KAZN: variants seen among roughly 807,000 people sequenced by gnomAD.
KAZN encodes the protein kazrin.
A neutral mutation model predicts 87.4 loss-of-function variants in KAZN; 40 were observed. That is an observed-to-expected ratio of 0.46 (90% CI 0.36 to 0.60). The LOEUF (loss-of-function observed/expected upper bound fraction) is 0.60, where lower values mean the gene tolerates loss of function less well. Ranked by LOEUF, KAZN falls within the 20% of genes least tolerant of loss-of-function variation. The pLI is 0.00. For synonymous variants in KAZN, 466 were observed against 458.3 expected, an observed-to-expected ratio of 1.02 and a Z score of -0.22; for missense variants, 898 against 1,073.9, an observed-to-expected ratio of 0.84 and a Z score of 2.29.
chr1:14,263,981 T>A (rs1009120759), intron 2 of KAZN, among the ~76,000 whole-genome samples: 1 of 152,228 alleles, frequency 6.6e-6, no homozygotes, highest in Non-Finnish European at 1.5e-5. Context: ...TAATTATTTT[T>A]AATATCTCCC....
chr1:14,139,694 C>T (rs1321679440), intron 1 of KAZN, among the ~76,000 whole-genome samples: 3 of 152,174 alleles, frequency 2.0e-5, no homozygotes, highest in African/African-American at 7.2e-5. Flanking sequence ...ACCCAGTGCC[C>T]AGCAGGGCAT....
upstream of KAZN, among the ~76,000 whole-genome samples, chr1:14,594,013 T>G (rs574174335): frequency 5.8e-4 from 89 of 152,148 alleles, no homozygotes; most frequent in Non-Finnish European, 1.0e-3. Context: ...AAATCTGGGG[T>G]CTCTCTTTCT....
chr1:14,311,558 A>G (rs1655302211), intron 2 of KAZN, among the ~76,000 whole-genome samples: 1 of 152,204 alleles, frequency 6.6e-6, no homozygotes, highest in African/African-American at 2.4e-5. Flanking sequence ...ATCAAGCCAC[A>G]GGAAGTGTGT....
chr1:14,490,992 G>A (rs1289384927), intron 2 of KAZN, among the ~76,000 whole-genome samples: 1 of 152,092 alleles, frequency 6.6e-6, no homozygotes, highest in Non-Finnish European at 1.5e-5. Flanking sequence ...TAAACTAATT[G>A]GAGAAGAATT....
chr1:14,782,580 A>G (rs1281443046), intron 1 of KAZN, among the ~76,000 whole-genome samples: 3 of 139,122 alleles, frequency 2.2e-5, no homozygotes, highest in Non-Finnish European at 4.8e-5. Flanking sequence ...AAAAAAAAAG[A>G]AAAGAAAAAG....
intron 1 of KAZN, among the ~76,000 whole-genome samples, chr1:14,100,160 T>C (rs973349802): frequency 4.6e-5 from 7 of 152,172 alleles, no homozygotes; most frequent in Non-Finnish European, 8.8e-5. Flanking sequence ...GCACTGTTGT[T>C]TATCGGTTCC....
At chr1:13,944,262 C>A (rs1195347258) in intron 1 of KAZN, among the ~76,000 whole-genome samples, 2 of 152,196 alleles carry the variant, frequency 1.3e-5, no homozygotes, top group Non-Finnish European at 2.9e-5. Context: ...GTGAAAGAAG[C>A]CAGACACAAG....
chr1:14,611,930 T>C (rs1444713119), intron 1 of KAZN, among the ~76,000 whole-genome samples: 2 of 152,208 alleles, frequency 1.3e-5, no homozygotes, highest in South Asian at 2.1e-4. Context: ...TCTGCTGTTA[T>C]AATGCAAAAG....
At chr1:14,618,873 C>G (rs927009699) in intron 1 of KAZN, among the ~76,000 whole-genome samples, 1 of 152,202 alleles carries the variant, frequency 6.6e-6, no homozygotes, top group Non-Finnish European at 1.5e-5. Context: ...GGTTCCCTGA[C>G]AGTTTCCAAA....
At chr1:14,414,310 CAA>C (rs1664561484) in intron 2 of KAZN, among the ~76,000 whole-genome samples, 2 of 121,138 alleles carry the variant, frequency 1.7e-5, no homozygotes, top group Non-Finnish European at 3.4e-5. Context: ...CTGGTAAAGC[CAA>C]AGAGTATTTA....
intron 2 of KAZN, among the ~76,000 whole-genome samples, chr1:14,495,325 A>G (rs765263805): frequency 6.6e-6 from 1 of 152,132 alleles, no homozygotes; most frequent in South Asian, 2.1e-4. Flanking sequence ...GCTCAATCAG[A>G]CCTTCCTTTC....
chr1:14,471,944 C>T (rs1457013099), intron 2 of KAZN, among the ~76,000 whole-genome samples: 1 of 152,170 alleles, frequency 6.6e-6, no homozygotes, highest in African/African-American at 2.4e-5. Context: ...CACAAAATAC[C>T]TTTGAGTGGG....
chr1:15,097,945 C>A (rs41496250), intron 10 of KAZN, among the ~76,000 whole-genome samples: 14,197 of 152,216 alleles, frequency 0.093, 862 homozygotes, highest in Middle Eastern at 0.21. Context: ...AAAACAAGAA[C>A]AATGACAGCT....
chr1:14,024,781 C>A (rs896984329), intron 1 of KAZN, among the ~76,000 whole-genome samples: 2 of 151,760 alleles, frequency 1.3e-5, no homozygotes, highest in Non-Finnish European at 2.9e-5. Context: ...AGGATCTCAA[C>A]CTTGGCTTGC....
intron 1 of KAZN, among the ~76,000 whole-genome samples, chr1:14,878,172 G>A (rs1572710327): frequency 6.6e-6 from 1 of 152,072 alleles, no homozygotes; most frequent in Non-Finnish European, 1.5e-5. Flanking sequence ...ATAATTGCTG[G>A]TGGATTCTGA....
intron 2 of KAZN, among the ~76,000 whole-genome samples, chr1:15,018,437 G>T (rs375015687): frequency 1.6e-4 from 24 of 151,866 alleles, no homozygotes; most frequent in Admixed American, 3.9e-4. Flanking sequence ...TCACTTTCTG[G>T]TTGCAGGAGA....
chr1:14,764,383 C>CT (rs1557465589), intron 1 of KAZN, among the ~76,000 whole-genome samples: 17 of 129,568 alleles, frequency 1.3e-4, no homozygotes, highest in African/African-American at 2.0e-4. Flanking sequence ...CCCCCTCCCC[C>CT]ACACCCCCCC....
At chr1:14,220,992 C>A (rs1647084058) in intron 2 of KAZN, among the ~76,000 whole-genome samples, 1 of 152,172 alleles carries the variant, frequency 6.6e-6, no homozygotes, top group Non-Finnish European at 1.5e-5. Context: ...ACAAGCATTA[C>A]TGAAAGCTGA....
At chr1:14,002,330 A>C (rs1409823117) in intron 1 of KAZN, among the ~76,000 whole-genome samples, 1 of 152,178 alleles carries the variant, frequency 6.6e-6, no homozygotes, top group Non-Finnish European at 1.5e-5. Context: ...CAGAATTCCC[A>C]TGTGTTGTGA....
Sources: allele counts gnomAD v4.1 joint callset (sites outside exome capture counted in the v4.1 genomes callset), GRCh38; gene constraint gnomAD v4.1.1; transcripts MANE v1.5; gene names NCBI Gene and HGNC (gene_info 2026-07-23, HGNC 2026-07-21).